Variants in RBMS1 observed in about 807,000 individuals in gnomAD.
RBMS1 encodes RNA binding motif single stranded interacting protein 1.
A neutral mutation model predicts 62.3 loss-of-function variants in RBMS1; 17 were observed. The observed-to-expected ratio is 0.27, with a 90% CI of 0.19 to 0.41. RBMS1 has a LOEUF of 0.41. Ranked by LOEUF, RBMS1 falls within the 10% of genes least tolerant of loss-of-function variation. RBMS1 has a pLI of 1.00. For missense variants in RBMS1, 334 were observed against 504.5 expected, an observed-to-expected ratio of 0.66 and a Z score of 3.24; for synonymous variants, 172 against 170.0, an observed-to-expected ratio of 1.01 and a Z score of -0.09.
At chr2:160,275,389 C>T in intron 13 of RBMS1, 20 of 536,778 alleles carry the variant, frequency 3.7e-5, no homozygotes, top group South Asian at 1.4e-4. Context: ...TTATTTTTTT[C>T]TTTTTAGTGG....
At chr2:160,369,650 G>T (rs761031903) in intron 1 of RBMS1, among the ~76,000 whole-genome samples, 2 of 152,202 alleles carry the variant, frequency 1.3e-5, no homozygotes, top group Non-Finnish European at 2.9e-5. Context: ...GATGAAATGT[G>T]GTCATCTGGG....
chr2:160,286,952 T>C lies in RBMS1; in HGVS notation c.756+17A>G, dbSNP rs780914963. The stretch of plus-strand genomic sequence containing the variant: ...CACCCCCTCCCCCACCCCGCAAAGT[T>C]TCAAGAAAGGACTTACAAGTCTCAC... On this transcript the variant is annotated intron_variant, in intron 7 of 13. Coordinates refer to ENST00000348849, the MANE Select transcript of RBMS1 (RefSeq NM_016836.4). 3.7e-6 allele frequency: 6 copies of C among 1,610,816 alleles called. No individual in the cohort carries two copies. In the East Asian group the frequency reaches 1.3e-4, roughly 36 times the overall value.
chr2:160,302,472 G>A (rs568408496), intron 5 of RBMS1: 1 of 152,090 alleles, frequency 6.6e-6, no homozygotes, highest in South Asian at 2.1e-4. Flanking sequence ...TGGGATTATA[G>A]GTGTGAACCA....
chr2:160,371,157 T>A (rs1014016255), intron 1 of RBMS1, among the ~76,000 whole-genome samples: 3 of 152,228 alleles, frequency 2.0e-5, no homozygotes, highest in Non-Finnish European at 4.4e-5. Flanking sequence ...GCTTCAGAAC[T>A]CTGATAAATT....
chr2:160,422,564 T>C (rs1445321684), intron 1 of RBMS1, among the ~76,000 whole-genome samples: 5 of 152,080 alleles, frequency 3.3e-5, no homozygotes, highest in Non-Finnish European at 7.4e-5. Flanking sequence ...CTCTTTATTC[T>C]CCCATCCTCT....
chr2:160,288,890 T>C (rs1361744110), intron 6 of RBMS1, among the ~76,000 whole-genome samples: 1 of 152,184 alleles, frequency 6.6e-6, no homozygotes, highest in African/African-American at 2.4e-5. Flanking sequence ...GCCGTTTTTC[T>C]CTATTAGCAT....
chr2:160,391,855 G>C (rs984568162), intron 1 of RBMS1, among the ~76,000 whole-genome samples: 2 of 152,048 alleles, frequency 1.3e-5, no homozygotes, highest in Admixed American at 6.6e-5. Flanking sequence ...GCACATGCTT[G>C]TAGTCTCAGC....
At chr2:160,376,586 T>C (rs1694011827) in intron 1 of RBMS1, among the ~76,000 whole-genome samples, 1 of 152,108 alleles carries the variant, frequency 6.6e-6, no homozygotes, top group Admixed American at 6.5e-5. Context: ...AGAACAGCTC[T>C]TCTATTATAT....
In RBMS1 at chr2:160,278,661, G is replaced by C; in HGVS notation, c.952-3C>G. ...ATTGAGGGAGTTAACACGGCACCCT[G>C]GGGAGTTGGAGACAGGAGCAAAATT... On this transcript the variant is annotated splice_polypyrimidine_tract_variant and splice_region_variant and intron_variant, in intron 10 of 13. Transcript: ENST00000348849. 1 of 1,603,546 alleles carries C rather than the reference G, an allele frequency of 6.2e-7. No homozygotes were observed. Among genetic ancestry groups the C allele is most frequent in the Non-Finnish European group, 8.5e-7 (1 of 1,173,964 alleles).
chr2:160,462,285 A>T (rs79737077), intron 1 of RBMS1, among the ~76,000 whole-genome samples: 2,282 of 152,308 alleles, frequency 0.015, 73 homozygotes, highest in African/African-American at 0.052. Context: ...CATGCTTAGT[A>T]TAAGGACACA....
chr2:160,483,770 G>C (rs1339176611), intron 1 of RBMS1, among the ~76,000 whole-genome samples: 1 of 152,138 alleles, frequency 6.6e-6, no homozygotes, highest in Non-Finnish European at 1.5e-5. Context: ...CAGGAGTGAA[G>C]AAGAGAGAAA....
At chr2:160,471,864 G>A (rs1684937161) in intron 1 of RBMS1, among the ~76,000 whole-genome samples, 1 of 151,462 alleles carries the variant, frequency 6.6e-6, no homozygotes, top group Non-Finnish European at 1.5e-5. Context: ...GTTAGAGGGA[G>A]GCAAACATTT....
chr2:160,296,999 C>T (rs1227790696), intron 6 of RBMS1, among the ~76,000 whole-genome samples: 1 of 152,146 alleles, frequency 6.6e-6, no homozygotes, highest in East Asian at 1.9e-4. Flanking sequence ...CAGTTAAAGG[C>T]TCCCTCTCCA....
chr2:160,430,946 C>T (rs1362361145), intron 1 of RBMS1, among the ~76,000 whole-genome samples: 1 of 151,350 alleles, frequency 6.6e-6, no homozygotes, highest in African/African-American at 2.4e-5. Context: ...TTTTGGTTCC[C>T]CATCCCCCTT....
intron 1 of RBMS1, among the ~76,000 whole-genome samples, chr2:160,491,610 T>TG (rs1409203733): frequency 6.6e-6 from 1 of 152,268 alleles, no homozygotes; most frequent in East Asian, 1.9e-4. Context: ...AATGTGCCTG[T>TG]AGAAACATGG....
intron 4 of RBMS1, among the ~76,000 whole-genome samples, chr2:160,311,247 T>TATATAG (rs1689891733): frequency 7.1e-6 from 1 of 141,576 alleles, no homozygotes; most frequent in Non-Finnish European, 1.5e-5. Flanking sequence ...TATATATATA[T>TATATAG]ATATATATAT....
At position 160,430,052 on chromosome 2, in the gene RBMS1, T is replaced by C. The variant is rs1281588476; in HGVS notation, c.76-62661A>G. 1.3e-5 allele frequency among the ~76,000 whole-genome samples: 2 copies of C among 152,180 alleles called. 1 individual carries two copies. Among genetic ancestry groups the C allele is most frequent in the Middle Eastern group, 6.3e-3 (2 of 316 alleles). On this transcript the variant is annotated intron_variant, in intron 1 of 13. Coordinates refer to ENST00000348849, the MANE Select transcript of RBMS1 (RefSeq NM_016836.4). ...GAATGAGAAGCTACACAGAGGAGAA[T>C]GGAGGCACTCCAGTCAACAGCCAGA... is the stretch of plus-strand genomic sequence containing the variant.
chr2:160,396,550 CTTTTTTTTTTT>C (rs59600753), intron 1 of RBMS1, among the ~76,000 whole-genome samples: 3 of 77,850 alleles, frequency 3.9e-5, no homozygotes, highest in African/African-American at 5.0e-5. Flanking sequence ...TTCTTTTTAT[CTTTTTTTTTTT>C]TTTTTTTTTT....
At chr2:160,437,501 C>T (rs1683156771) in intron 1 of RBMS1, among the ~76,000 whole-genome samples, 1 of 152,226 alleles carries the variant, frequency 6.6e-6, no homozygotes, top group Non-Finnish European at 1.5e-5. Flanking sequence ...ACAGAATCTT[C>T]ATCTTTCCAT....
Sources: allele counts gnomAD v4.1 joint callset (sites outside exome capture counted in the v4.1 genomes callset), GRCh38; gene constraint gnomAD v4.1.1; transcripts MANE v1.5; gene names NCBI Gene and HGNC (gene_info 2026-07-23, HGNC 2026-07-21).